The following NBEA variants were observed in gnomAD, a reference collection of about 807,000 sequenced individuals.
The protein encoded by NBEA is neurobeachin.
A neutral mutation model predicts 343.4 loss-of-function variants in NBEA; 44 were observed. That is an observed-to-expected ratio of 0.13 (90% CI 0.10 to 0.16). The LOEUF (loss-of-function observed/expected upper bound fraction) is 0.16, where lower values mean the gene tolerates loss of function less well. Among genes scored for constraint, NBEA ranks in the 10% least tolerant of loss-of-function variants. The pLI is 1.00. For missense variants in NBEA, 2,555 were observed against 3,631.3 expected, an observed-to-expected ratio of 0.70 and a Z score of 7.62; for synonymous variants, 1,175 against 1,238.7, an observed-to-expected ratio of 0.95 and a Z score of 1.08.
chr13:35,469,014 G>A (rs890216907), intron 40 of NBEA, among the ~76,000 whole-genome samples: 5 of 143,102 alleles, frequency 3.5e-5, no homozygotes, highest in Non-Finnish European at 6.0e-5. Flanking sequence ...CAGGAGAATC[G>A]CTTGAGCTCG....
chr13:35,320,364 C>T (rs1256478293), intron 36 of NBEA, among the ~76,000 whole-genome samples: 2 of 152,082 alleles, frequency 1.3e-5, no homozygotes, highest in Non-Finnish European at 2.9e-5. Context: ...AAGCTGAGTT[C>T]GACTGGATAT....
chr13:34,967,604 A>G (rs2059864479), intron 1 of NBEA, among the ~76,000 whole-genome samples: 1 of 152,092 alleles, frequency 6.6e-6, no homozygotes, highest in Admixed American at 6.6e-5. Flanking sequence ...TGTTAGAGAT[A>G]TGGACCAAAA....
At chr13:35,333,012 C>G (rs997842743) in intron 36 of NBEA, among the ~76,000 whole-genome samples, 3 of 152,104 alleles carry the variant, frequency 2.0e-5, no homozygotes, top group African/African-American at 7.2e-5. Context: ...AGCAGAGAAT[C>G]TAGCCTGGAA....
chr13:35,292,767 T>C (rs183669640), intron 35 of NBEA, among the ~76,000 whole-genome samples: 29 of 152,192 alleles, frequency 1.9e-4, no homozygotes, highest in African/African-American at 7.0e-4. Context: ...TAAGATATTA[T>C]TCATATTGTA....
chr13:35,291,672 A>T (rs539012716), intron 35 of NBEA, among the ~76,000 whole-genome samples: 56 of 152,104 alleles, frequency 3.7e-4, no homozygotes, highest in Non-Finnish European at 5.9e-4. Context: ...CTTCTTCCAT[A>T]GCCCTGTGTT....
chr13:35,281,731 G>T (rs1030504569), intron 34 of NBEA, among the ~76,000 whole-genome samples: 2 of 151,892 alleles, frequency 1.3e-5, no homozygotes, highest in Non-Finnish European at 2.9e-5. Flanking sequence ...GATCTTAAAG[G>T]TGTATACAAT....
intron 33 of NBEA, among the ~76,000 whole-genome samples, chr13:35,212,274 T>G (rs2073826048): frequency 6.6e-6 from 1 of 152,194 alleles, no homozygotes; most frequent in African/African-American, 2.4e-5. Context: ...TGTATTTCTT[T>G]GTCTCTGGCT....
At chr13:35,202,382 CCT>C (rs1053560417) in intron 31 of NBEA, among the ~76,000 whole-genome samples, 53 of 152,200 alleles carry the variant, frequency 3.5e-4, no homozygotes, top group Non-Finnish European at 7.4e-4. Flanking sequence ...AGTGTAATCC[CCT>C]GTTAGTGCTC....
At chr13:35,052,892 TATTA>T (rs771391554) in intron 6 of NBEA, among the ~76,000 whole-genome samples, 94 of 152,186 alleles carry the variant, frequency 6.2e-4, no homozygotes, top group Middle Eastern at 3.4e-3. Context: ...AATTTTTCTG[TATTA>T]ATTATCTTAA....
intron 48 of NBEA, among the ~76,000 whole-genome samples, chr13:35,607,732 C>T (rs1181312047): frequency 6.6e-6 from 1 of 151,518 alleles, no homozygotes; most frequent in African/African-American, 2.4e-5. Flanking sequence ...AATTCATATC[C>T]TGTGCAAATT....
chr13:35,253,649 G>A (rs1417641148), intron 34 of NBEA, among the ~76,000 whole-genome samples: 1 of 152,138 alleles, frequency 6.6e-6, no homozygotes, highest in African/African-American at 2.4e-5. Flanking sequence ...TTTTGTAAAT[G>A]GAGTTTTATT....
chr13:35,425,433 C>T (rs2044595596), intron 38 of NBEA, among the ~76,000 whole-genome samples: 2 of 152,158 alleles, frequency 1.3e-5, no homozygotes, highest in African/African-American at 4.8e-5. Flanking sequence ...GCAGGTTGTT[C>T]AGTTTCCATG....
At chr13:35,336,140 A>G (rs569505201) in intron 36 of NBEA, among the ~76,000 whole-genome samples, 125 of 152,260 alleles carry the variant, frequency 8.2e-4, no homozygotes, top group African/African-American at 2.8e-3. Context: ...ATGACAAAGA[A>G]TGCAAACCAT....
intron 1 of NBEA, among the ~76,000 whole-genome samples, chr13:35,040,522 T>C (rs1421932268): frequency 6.6e-6 from 1 of 151,834 alleles, no homozygotes; most frequent in African/African-American, 2.4e-5. Context: ...CAGTTATATC[T>C]CTTTGTCTGT....
At chr13:35,315,890 A>G (rs904945174) in intron 36 of NBEA, among the ~76,000 whole-genome samples, 1 of 152,052 alleles carries the variant, frequency 6.6e-6, no homozygotes, top group African/African-American at 2.4e-5. Context: ...TATTTCTCTT[A>G]TGTCTTTGAT....
chr13:35,264,100 C>T (rs904245062), intron 34 of NBEA, among the ~76,000 whole-genome samples: 9 of 147,554 alleles, frequency 6.1e-5, no homozygotes, highest in East Asian at 2.0e-4. Flanking sequence ...CACAGAAATA[C>T]GAAGGACAAC....
At chr13:35,106,313 A>G (rs1347243732) in intron 11 of NBEA, among the ~76,000 whole-genome samples, 1 of 152,018 alleles carries the variant, frequency 6.6e-6, no homozygotes, top group African/African-American at 2.4e-5. Context: ...AATATTTTAA[A>G]ACCGTTAATC....
At chr13:35,524,758 G>A (rs1450628208) in intron 41 of NBEA, among the ~76,000 whole-genome samples, 2 of 152,134 alleles carry the variant, frequency 1.3e-5, no homozygotes, top group African/African-American at 2.4e-5. Context: ...ATGTATCATA[G>A]AAAAGTAATA....
At chr13:35,525,545 T>C (rs1181198274) in intron 41 of NBEA, among the ~76,000 whole-genome samples, 2 of 151,906 alleles carry the variant, frequency 1.3e-5, no homozygotes, top group African/African-American at 2.4e-5. Context: ...AGGAGCAAGA[T>C]TCCATCTCAA....
Sources: gnomAD v4.1 joint callset for allele counts (sites outside exome capture counted in the v4.1 genomes callset) on GRCh38, gnomAD v4.1.1 for gene constraint, MANE v1.5 for transcripts, NCBI Gene and HGNC (gene_info 2026-07-23, HGNC 2026-07-21) for gene names.